ZNF148: variants seen among roughly 807,000 people sequenced by gnomAD.
ZNF148 encodes Beta-Enolase Repressor Factor-1.
In ZNF148, 7 loss-of-function variants were observed where a neutral mutation model predicts 67.7. The observed-to-expected ratio is 0.10, with a 90% CI of 0.06 to 0.19. The LOEUF (loss-of-function observed/expected upper bound fraction) is 0.19. Ranked by LOEUF, ZNF148 falls within the 10% of genes least tolerant of loss-of-function variation. ZNF148 has a pLI of 1.00. For missense variants in ZNF148, 583 were observed against 947.1 expected (o/e 0.62, Z 5.05); for synonymous variants, 333 against 330.7 (o/e 1.01, Z -0.08).
intron 1 of ZNF148, among the ~76,000 whole-genome samples, chr3:125,354,399 T>C (rs1942268172): frequency 6.6e-6 from 1 of 152,210 alleles, no homozygotes; most frequent in South Asian, 2.1e-4. Context: ...TTTTATGGAA[T>C]TGTTGCCCAA....
intron 1 of ZNF148, among the ~76,000 whole-genome samples, chr3:125,350,591 T>G (rs1052262856): frequency 6.6e-6 from 1 of 152,234 alleles, no homozygotes; most frequent in African/African-American, 2.4e-5. Context: ...AGGATGAAAC[T>G]GTTCCACCTT....
rs181549206 is a variant in ZNF148, at chr3:125,301,677, T to C, written c.333+11631A>G. On this transcript the variant is annotated intron_variant, in intron 4 of 8. Transcript: ENST00000360647. ...TTAAAAGGCTTTATTTAGCACAATC[T>C]AGAAAAACACTTGAGTAAAGGACTG... Among the ~76,000 whole-genome samples the C allele has an allele frequency of 4.9e-4, 75 of 152,332 alleles. 1 individual carries two copies. The highest frequency in any genetic ancestry group is 4.8e-3 in the Admixed American group (73 of 15,298).
At chr3:125,266,708 A>G (rs1204433144) in intron 7 of ZNF148, among the ~76,000 whole-genome samples, 1 of 152,122 alleles carries the variant, frequency 6.6e-6, no homozygotes, top group African/African-American at 2.4e-5. Context: ...ACGGAATAAA[A>G]GAAAACAGAG....
chr3:125,323,513 T>C, intron 2 of ZNF148, 69 bp from the exon 3 acceptor site: 1 of 571,118 alleles, frequency 1.8e-6, no homozygotes, highest in South Asian at 2.3e-5. Context: ...ATATAATATG[T>C]GCAAATTGGT....
intron 2 of ZNF148, among the ~76,000 whole-genome samples, chr3:125,324,902 C>G (rs1403450341): frequency 6.6e-6 from 1 of 152,082 alleles, no homozygotes; most frequent in African/African-American, 2.4e-5. Flanking sequence ...CCTGGATATT[C>G]ATGTATATCT....
intron 4 of ZNF148, among the ~76,000 whole-genome samples, chr3:125,298,843 G>A (rs2107645596): frequency 6.6e-6 from 1 of 151,896 alleles, no homozygotes; most frequent in South Asian, 2.1e-4. Context: ...TAGCCAGGAT[G>A]GTCTCAATCT....
Position 125,320,745 on chromosome 3 carries a change from C to T in ZNF148, c.-17+2564G>A, listed in dbSNP as rs115525197. On this transcript the variant is annotated intron_variant, in intron 3 of 8. Transcript: ENST00000360647. ...CTTCACTTGTAAGCCAAGAGAAGCA[C>T]TCAAAGGAACTTGTTCTGAAAACAG... 4.7e-3 allele frequency among the ~76,000 whole-genome samples: 713 copies of T among 152,264 alleles called. 5 individuals carry two copies. Among genetic ancestry groups the T allele is most frequent in the African/African-American group, 0.016 (681 of 41,578 alleles).
At chr3:125,349,404 T>C (rs1417724385) in intron 1 of ZNF148, among the ~76,000 whole-genome samples, 1 of 152,192 alleles carries the variant, frequency 6.6e-6, no homozygotes, top group Non-Finnish European at 1.5e-5. Context: ...TAGCCTGCTT[T>C]TCAAATGGGA....
rs1941103852 is a variant in ZNF148, at chr3:125,328,040, C to T, written c.-153+3118G>A. 2.6e-5 allele frequency among the ~76,000 whole-genome samples: 4 copies of T among 151,744 alleles called. No homozygotes were observed. The South Asian group carries it at 8.3e-4, about 32-fold the overall frequency. ...CATTATGAATGTATACCTATTCTTCCATCATGAGTCCCAATACCTATTATT... is the reference window on the plus strand; with the variant it reads ...CATTATGAATGTATACCTATTCTTCTATCATGAGTCCCAATACCTATTATT... On this transcript the variant is annotated intron_variant, in intron 2 of 8. Transcript: ENST00000360647.
At chr3:125,254,767 T>C (rs1936997694) in intron 7 of ZNF148, among the ~76,000 whole-genome samples, 1 of 152,214 alleles carries the variant, frequency 6.6e-6, no homozygotes, top group Non-Finnish European at 1.5e-5. Context: ...GTAAGAAGCA[T>C]GCCATACGGT....
intron 7 of ZNF148, among the ~76,000 whole-genome samples, chr3:125,258,692 C>A (rs1937208257): frequency 1.3e-5 from 2 of 152,062 alleles, no homozygotes; most frequent in South Asian, 4.2e-4. Flanking sequence ...TAAGTTAAAT[C>A]TTTTAGTGCT....
intron 5 of ZNF148, among the ~76,000 whole-genome samples, chr3:125,281,192 A>G (rs1355214316): frequency 1.3e-5 from 2 of 152,174 alleles, no homozygotes; most frequent in African/African-American, 4.8e-5. Context: ...TGGAAGGGAA[A>G]CATTTGGCAG....
At position 125,227,483 on chromosome 3, in the gene ZNF148, T is replaced by C. The variant is rs1326132355; in HGVS notation, c.*4858A>G. 2 of 152,626 alleles carry C rather than the reference T, an allele frequency of 1.3e-5. No individual in the cohort carries two copies. The highest frequency in any genetic ancestry group is 2.9e-5 in the Non-Finnish European group (2 of 68,028). 9.5% of individuals were successfully genotyped at this position (152,626 alleles called of 1,614,324 possible). A position where few individuals can be genotyped will look rare whatever the true frequency, so the allele number is the denominator to read the frequency against. ...CACACATTTAATTTCTTCTGTACAA[T>C]GTTTATAAACTTGTTTTTCTTTTCA... On this transcript the variant is annotated 3_prime_UTR_variant, in exon 9 of 9. Coordinates refer to ENST00000360647, the MANE Select transcript of ZNF148 (RefSeq NM_021964.3).
At chr3:125,363,657 CTTT>C (rs34792480) in intron 1 of ZNF148, among the ~76,000 whole-genome samples, 2 of 147,758 alleles carry the variant, frequency 1.4e-5, no homozygotes, top group Middle Eastern at 3.3e-3. Flanking sequence ...ATACTTCACA[CTTT>C]TTTTTTTTTT....
chr3:125,264,509 T>C (rs1370956208), intron 7 of ZNF148, among the ~76,000 whole-genome samples: 1 of 152,204 alleles, frequency 6.6e-6, no homozygotes, highest in African/African-American at 2.4e-5. Flanking sequence ...ATCTGTCAAC[T>C]CATCAATAGC....
At chr3:125,363,576 T>G (rs1052834145) in intron 1 of ZNF148, among the ~76,000 whole-genome samples, 1 of 152,194 alleles carries the variant, frequency 6.6e-6, no homozygotes, top group African/African-American at 2.4e-5. Context: ...TTCCCATTCT[T>G]TCTTTGAGGT....
intron 1 of ZNF148, among the ~76,000 whole-genome samples, chr3:125,339,101 TC>T (rs1170627687): frequency 1.3e-5 from 2 of 152,128 alleles, no homozygotes; most frequent in Non-Finnish European, 2.9e-5. Flanking sequence ...GATCTCAAAC[TC>T]CTGACCCTCA....
rs887742438 is a variant in ZNF148, at chr3:125,375,186, G to C, written c.-318C>G. 1 of 152,462 alleles carries C rather than the reference G, an allele frequency of 6.6e-6. No homozygotes were observed. The highest frequency in any genetic ancestry group is 2.4e-5 in the African/African-American group (1 of 41,434). 9.4% of individuals were successfully genotyped at this position (152,462 alleles called of 1,614,324 possible). A position where few individuals can be genotyped will look rare whatever the true frequency, so the allele number is the denominator to read the frequency against. On this transcript the variant is annotated 5_prime_UTR_variant, in exon 1 of 9. Coordinates refer to ENST00000360647, the MANE Select transcript of ZNF148 (RefSeq NM_021964.3). Reference sequence around the variant, plus strand: ...CTAGGGGCCTTGAGAGGAGGGGAAGGGGGGAGGGGGGAGAACTTTTGCTGT... The same window carrying C: ...CTAGGGGCCTTGAGAGGAGGGGAAGCGGGGAGGGGGGAGAACTTTTGCTGT...
chr3:125,263,914 C>T (rs1937456920), intron 7 of ZNF148, among the ~76,000 whole-genome samples: 1 of 152,224 alleles, frequency 6.6e-6, no homozygotes, highest in South Asian at 2.1e-4. Context: ...TCTCCTCAAC[C>T]TCCAGGAAGG....
Sources: allele counts gnomAD v4.1 joint callset (sites outside exome capture counted in the v4.1 genomes callset), GRCh38; gene constraint gnomAD v4.1.1; transcripts MANE v1.5; gene names NCBI Gene and HGNC (gene_info 2026-07-23, HGNC 2026-07-21).